The following PDE4B variants were observed in gnomAD, a reference collection of about 807,000 sequenced individuals.
PDE4B encodes the protein phosphodiesterase 4B.
Under a neutral mutation model 82.2 loss-of-function variants are expected in PDE4B, and 20 were observed. That is an observed-to-expected ratio of 0.24 (90% confidence interval 0.17 to 0.35). PDE4B has a LOEUF of 0.35. Among genes scored for constraint, PDE4B ranks in the 10% least tolerant of loss-of-function variants. PDE4B has a pLI of 1.00. For missense variants in PDE4B, 655 were observed against 907.2 expected, an observed-to-expected ratio of 0.72 and a Z score of 3.57; for synonymous variants, 320 against 318.9, an observed-to-expected ratio of 1.00 and a Z score of -0.04.
At chr1:66,285,119 A>G (rs1267600154) in intron 7 of PDE4B, among the ~76,000 whole-genome samples, 3 of 152,170 alleles carry the variant, frequency 2.0e-5, no homozygotes, top group Non-Finnish European at 2.9e-5. Context: ...TTTATTGATC[A>G]TTACTCTCTG....
chr1:66,302,539 T>C (rs1487031480), intron 7 of PDE4B, among the ~76,000 whole-genome samples: 1 of 152,258 alleles, frequency 6.6e-6, no homozygotes, highest in African/African-American at 2.4e-5. Flanking sequence ...TAATCTCTTG[T>C]GTTTTAGAGG....
Position 65,920,836 on chromosome 1 carries a change from A to G in PDE4B, c.281+2001A>G, listed in dbSNP as rs1476937195. Among the ~76,000 whole-genome samples the G allele has an allele frequency of 2.0e-5, 3 of 152,014 alleles. 1 individual carries two copies. Among genetic ancestry groups the G allele is most frequent in the East Asian group, 3.9e-4 (2 of 5,188 alleles). On this transcript the variant is annotated intron_variant, in intron 3 of 16. Transcript: ENST00000341517. ...GTTCAATAGTCAGTGAGCACCACAT[A>G]TTGGTAATTCATTTATAACATGTGT... is the stretch of plus-strand genomic sequence containing the variant.
At chr1:66,278,067 G>GT (rs2101770652) in intron 7 of PDE4B, among the ~76,000 whole-genome samples, 1 of 152,268 alleles carries the variant, frequency 6.6e-6, no homozygotes, top group East Asian at 1.9e-4. Context: ...TTAATATATT[G>GT]TAACTGCCTA....
Position 66,030,169 on chromosome 1 carries a change from G to A in PDE4B, c.281+111334G>A, listed in dbSNP as rs565960035. 8.6e-5 allele frequency among the ~76,000 whole-genome samples: 13 copies of A among 151,872 alleles called. 1 individual carries two copies. In the South Asian group the frequency reaches 1.0e-3, roughly 12 times the overall value. ...GAATCACATTTATTTATTTGCATAT[G>A]TTGAACCAACCTTGCATTCCAGGAA... is the stretch of plus-strand genomic sequence containing the variant. On this transcript the variant is annotated intron_variant, in intron 3 of 16. Coordinates refer to ENST00000341517, the MANE Select transcript of PDE4B (RefSeq NM_002600.4).
chr1:65,888,995 G>C (rs969406280), intron 1 of PDE4B, among the ~76,000 whole-genome samples: 6 of 152,064 alleles, frequency 3.9e-5, no homozygotes. Flanking sequence ...CAGTGAGAGT[G>C]GGCATCCTTG....
chr1:66,029,357 C>G (rs1332165416), intron 3 of PDE4B, among the ~76,000 whole-genome samples: 1 of 152,112 alleles, frequency 6.6e-6, no homozygotes, highest in Non-Finnish European at 1.5e-5. Flanking sequence ...ACAATTCAAG[C>G]TGAGATTTGG....
chr1:66,100,481 T>C (rs1242823563), intron 3 of PDE4B, among the ~76,000 whole-genome samples: 1 of 152,146 alleles, frequency 6.6e-6, no homozygotes, highest in Non-Finnish European at 1.5e-5. Flanking sequence ...TGTAAATGCT[T>C]AATAAATATT....
intron 1 of PDE4B, among the ~76,000 whole-genome samples, chr1:65,898,922 C>G (rs1023405083): frequency 1.3e-5 from 2 of 151,874 alleles, no homozygotes; most frequent in African/African-American, 4.8e-5. Flanking sequence ...ATTTTATGAC[C>G]AAGAACTCAA....
intron 1 of PDE4B, among the ~76,000 whole-genome samples, chr1:65,858,407 A>C (rs1646416970): frequency 6.6e-6 from 1 of 152,192 alleles, no homozygotes; most frequent in African/African-American, 2.4e-5. Flanking sequence ...TTTTTTACAC[A>C]AGAAAATGTA....
intron 3 of PDE4B, among the ~76,000 whole-genome samples, chr1:65,921,771 T>TC (rs1647257297): frequency 6.6e-6 from 1 of 152,164 alleles, no homozygotes. Context: ...CTTAGAAAAG[T>TC]TTCCCTTTCT....
chr1:66,169,527 T>C (rs1646799119), intron 3 of PDE4B, among the ~76,000 whole-genome samples: 1 of 152,210 alleles, frequency 6.6e-6, no homozygotes, highest in Non-Finnish European at 1.5e-5. Context: ...ACATATGTCA[T>C]TCAGGAAATC....
chr1:65,934,789 A>G (rs1476898030), intron 3 of PDE4B, among the ~76,000 whole-genome samples: 4 of 152,246 alleles, frequency 2.6e-5, no homozygotes, highest in Admixed American at 6.5e-5. Flanking sequence ...AGAACATTAT[A>G]TAATAATGAA....
At chr1:66,174,758 AC>A (rs1646901307) in intron 3 of PDE4B, among the ~76,000 whole-genome samples, 1 of 33,040 alleles carries the variant, frequency 3.0e-5, no homozygotes, top group African/African-American at 3.6e-4. Flanking sequence ...AAAAAAAGCA[AC>A]AACAACAACA....
chr1:66,370,150 CAAAAAAAAAAAAAAAAA>C (rs752920376), intron 16 of PDE4B, among the ~76,000 whole-genome samples: 2 of 28,622 alleles, frequency 7.0e-5, no homozygotes, highest in East Asian at 1.5e-3. Context: ...GACTCTATCT[CAAAAAAAAAAAAAAAAA>C]AAAAAAAAAA....
intron 3 of PDE4B, among the ~76,000 whole-genome samples, chr1:66,229,647 A>T (rs1297213888): frequency 2.6e-5 from 4 of 152,118 alleles, no homozygotes; most frequent in Non-Finnish European, 5.9e-5. Flanking sequence ...GAGGAATTAC[A>T]TTTCAGAGAC....
intron 3 of PDE4B, among the ~76,000 whole-genome samples, chr1:66,009,927 A>G (rs879879443): frequency 1.2e-4 from 18 of 145,850 alleles, no homozygotes; most frequent in South Asian, 6.4e-4. Flanking sequence ...CTATCTATCT[A>G]TCTATCTATC....
chr1:66,371,572 C>T (rs1340768432), intron 16 of PDE4B, among the ~76,000 whole-genome samples: 1 of 152,102 alleles, frequency 6.6e-6, no homozygotes, highest in Non-Finnish European at 1.5e-5. Flanking sequence ...TTTATTTTCC[C>T]TTCTTTCACC....
intron 3 of PDE4B, among the ~76,000 whole-genome samples, chr1:66,134,873 A>G (rs187642804): frequency 6.6e-6 from 1 of 152,350 alleles, no homozygotes; most frequent in East Asian, 1.9e-4. Flanking sequence ...GTCAAGCAAT[A>G]TAATCTGGTG....
intron 1 of PDE4B, among the ~76,000 whole-genome samples, chr1:65,818,697 T>TATATATATAA (rs1645915268): frequency 6.7e-6 from 1 of 148,830 alleles, no homozygotes; most frequent in South Asian, 2.1e-4. Context: ...TATATATATA[T>TATATATATAA]ATATATAAAA....
Sources: gnomAD v4.1 joint callset for allele counts (sites outside exome capture counted in the v4.1 genomes callset) on GRCh38, gnomAD v4.1.1 for gene constraint, MANE v1.5 for transcripts, NCBI Gene and HGNC (gene_info 2026-07-23, HGNC 2026-07-21) for gene names.